The following ADGRL2 variants were observed in gnomAD, a reference collection of about 807,000 sequenced individuals.
ADGRL2 encodes calcium-independent alpha-latrotoxin receptor 2.
Under a neutral mutation model 157.4 loss-of-function variants are expected in ADGRL2, and 44 were observed. The ratio of observed to expected loss-of-function variants is 0.28; its 90% CI spans 0.22 to 0.36. The LOEUF is 0.36. Among genes scored for constraint, ADGRL2 ranks in the 10% least tolerant of loss-of-function variants. The probability of loss-of-function intolerance (pLI) is 1.00; values close to 1 mark genes in which losing one functional copy is unlikely to be tolerated. For synonymous variants in ADGRL2, 585 were observed against 624.7 expected (o/e 0.94, Z 0.95); for missense variants, 1,510 against 1,768.9 (o/e 0.85, Z 2.63).
chr1:81,359,085 A>T (rs367971507), intron 1 of ADGRL2, among the ~76,000 whole-genome samples: 11 of 152,060 alleles, frequency 7.2e-5, no homozygotes, highest in African/African-American at 2.4e-4. Context: ...AAAAAAAATT[A>T]AAAAAAAGAA....
chr1:81,727,744 T>A (rs955348105), intron 1 of ADGRL2, among the ~76,000 whole-genome samples: 5 of 152,112 alleles, frequency 3.3e-5, no homozygotes, highest in Non-Finnish European at 7.4e-5. Flanking sequence ...AACTCAATTT[T>A]TACATAATCA....
At chr1:81,717,269 G>A (rs1030334668) in intron 1 of ADGRL2, among the ~76,000 whole-genome samples, 1 of 152,112 alleles carries the variant, frequency 6.6e-6, no homozygotes, top group African/African-American at 2.4e-5. Context: ...GATTCTCCGG[G>A]TAAGTCCACA....
At chr1:81,528,327 A>G (rs144832884) in intron 2 of ADGRL2, among the ~76,000 whole-genome samples, 103 of 152,290 alleles carry the variant, frequency 6.8e-4, no homozygotes, top group African/African-American at 2.4e-3. Flanking sequence ...GGAATTAGAT[A>G]GAAGGTAGCT....
intron 1 of ADGRL2, among the ~76,000 whole-genome samples, chr1:81,373,356 T>G (rs1235266348): frequency 1.3e-5 from 2 of 152,204 alleles, no homozygotes; most frequent in Non-Finnish European, 2.9e-5. Context: ...AAACCTGGAC[T>G]GGAAATGTCA....
intron 1 of ADGRL2, among the ~76,000 whole-genome samples, chr1:81,761,442 C>A (rs1453567706): frequency 6.6e-6 from 1 of 151,778 alleles, no homozygotes; most frequent in Non-Finnish European, 1.5e-5. Context: ...TGTGAGAAAA[C>A]CATATTTTCC....
intron 3 of ADGRL2, among the ~76,000 whole-genome samples, chr1:81,691,284 G>T (rs2083327128): frequency 6.6e-6 from 1 of 151,142 alleles, no homozygotes; most frequent in Non-Finnish European, 1.5e-5. Flanking sequence ...TTTAGTTCTG[G>T]GACTCATCTT....
intron 2 of ADGRL2, among the ~76,000 whole-genome samples, chr1:81,563,499 T>C (rs2080490959): frequency 6.6e-6 from 1 of 152,130 alleles, no homozygotes; most frequent in African/African-American, 2.4e-5. Context: ...GAATAAACAA[T>C]GGACTTGTTT....
intron 1 of ADGRL2, among the ~76,000 whole-genome samples, chr1:81,817,992 G>A (rs970832564): frequency 5.3e-5 from 8 of 150,690 alleles, no homozygotes; most frequent in African/African-American, 1.5e-4. Flanking sequence ...AGCAAGACCC[G>A]TTTCTACCAG....
At chr1:81,628,314 G>A (rs1161309530) in intron 3 of ADGRL2, among the ~76,000 whole-genome samples, 2 of 152,088 alleles carry the variant, frequency 1.3e-5, no homozygotes, top group Non-Finnish European at 2.9e-5. Flanking sequence ...GTGCCCTCTC[G>A]GAGCTATCAT....
intron 2 of ADGRL2, among the ~76,000 whole-genome samples, chr1:81,498,504 G>A (rs2078775960): frequency 6.6e-6 from 1 of 152,126 alleles, no homozygotes; most frequent in Admixed American, 6.6e-5. Flanking sequence ...ACCACAATTT[G>A]TCTCCCCCAT....
intron 1 of ADGRL2, among the ~76,000 whole-genome samples, chr1:81,376,660 G>A (rs570086786): frequency 4.1e-5 from 6 of 146,760 alleles, no homozygotes; most frequent in Non-Finnish European, 7.4e-5. Flanking sequence ...CTCCCATATC[G>A]CTTGTCAATT....
chr1:81,985,696 A>G (rs1662951683), intron 21 of ADGRL2, among the ~76,000 whole-genome samples: 1 of 152,012 alleles, frequency 6.6e-6, no homozygotes, highest in Non-Finnish European at 1.5e-5. Flanking sequence ...TGTGTAGTAA[A>G]TCTTCATAAA....
At chr1:81,609,985 C>T (rs6703702) in intron 3 of ADGRL2, among the ~76,000 whole-genome samples, 3,969 of 152,290 alleles carry the variant, frequency 0.026, 165 homozygotes, top group African/African-American at 0.09. Flanking sequence ...TTATCAGAGA[C>T]AAAGATAGCT....
At chr1:81,384,369 G>A (rs1201538573) in intron 1 of ADGRL2, among the ~76,000 whole-genome samples, 1 of 152,166 alleles carries the variant, frequency 6.6e-6, no homozygotes, top group African/African-American at 2.4e-5. Flanking sequence ...GTGTGTGCAC[G>A]CATGTTTGTG....
intron 1 of ADGRL2, among the ~76,000 whole-genome samples, chr1:81,740,996 C>G (rs1461786840): frequency 1.3e-5 from 2 of 151,276 alleles, no homozygotes; most frequent in African/African-American, 4.9e-5. Context: ...TTTTTTCTCA[C>G]AGAGAAAAGA....
At chr1:81,970,623 A>G in intron 16 of ADGRL2, 89 bp downstream of exon 16, 1 of 910,644 alleles carries the variant, frequency 1.1e-6, no homozygotes, top group Non-Finnish European at 1.7e-6. Flanking sequence ...GACAGATTAA[A>G]ATAGCATCTG....
intron 3 of ADGRL2, among the ~76,000 whole-genome samples, chr1:81,684,111 G>A (rs909089206): frequency 3.3e-5 from 5 of 152,068 alleles, no homozygotes; most frequent in Admixed American, 6.6e-5. Flanking sequence ...CACTGCGCCC[G>A]GCCAAATAAT....
At chr1:81,727,058 A>C (rs934062531) in intron 1 of ADGRL2, among the ~76,000 whole-genome samples, 33 of 152,208 alleles carry the variant, frequency 2.2e-4, no homozygotes, top group Non-Finnish European at 1.5e-4. Flanking sequence ...GTACAGTAAC[A>C]ATTGCACTAC....
intron 1 of ADGRL2, among the ~76,000 whole-genome samples, chr1:81,815,080 T>G (rs1318155909): frequency 4.6e-5 from 7 of 151,806 alleles, no homozygotes; most frequent in Non-Finnish European, 8.9e-5. Flanking sequence ...TTGCTAAAAC[T>G]ATTTTTTTTG....
Sources: gnomAD v4.1 joint callset for allele counts (sites outside exome capture counted in the v4.1 genomes callset) on GRCh38, gnomAD v4.1.1 for gene constraint, MANE v1.5 for transcripts, NCBI Gene and HGNC (gene_info 2026-07-23, HGNC 2026-07-21) for gene names.